Variants in HEBP1 observed in about 807,000 individuals in gnomAD.
HEBP1 encodes heme-binding protein 1.
A neutral mutation model predicts 20.4 loss-of-function variants in HEBP1; 13 were observed. That is an observed-to-expected ratio of 0.64 (90% CI 0.42 to 1.01). The LOEUF is 1.01. HEBP1 is among the 50% of genes least tolerant of loss of function. The pLI is 0.00. For synonymous variants in HEBP1, 92 were observed against 90.7 expected, an observed-to-expected ratio of 1.01 and a Z score of -0.08; for missense variants, 241 against 247.3, an observed-to-expected ratio of 0.97 and a Z score of 0.17.
In HEBP1 at chr12:12,975,021, C is replaced by T. The variant is rs1327495369; in HGVS notation, c.*287G>A. 2.5e-5 allele frequency: 7 copies of T among 274,790 alleles called. No homozygotes were observed. The highest frequency in any genetic ancestry group is 3.4e-5 in the Non-Finnish European group (5 of 146,698). 17.0% of individuals were successfully genotyped at this position (274,790 alleles called of 1,614,324 possible). A position where few individuals can be genotyped will look rare whatever the true frequency, so the allele number is the denominator to read the frequency against. On this transcript the variant is annotated 3_prime_UTR_variant, in exon 4 of 4. Coordinates refer to ENST00000014930, the MANE Select transcript of HEBP1 (RefSeq NM_015987.5). ...ATTTTAGAAAATCAGTTTTTAGTGACCCAGATGCCTGGAGAAAAGCTGCCA... is the reference window on the plus strand; with the variant it reads ...ATTTTAGAAAATCAGTTTTTAGTGATCCAGATGCCTGGAGAAAAGCTGCCA...
intron 1 of HEBP1, among the ~76,000 whole-genome samples, chr12:12,999,533 C>T (rs1002333238): frequency 6.6e-6 from 1 of 152,138 alleles, no homozygotes; most frequent in African/African-American, 2.4e-5. Context: ...GCAGAATGGC[C>T]GGAAACTTAA....
intron 3 of HEBP1, among the ~76,000 whole-genome samples, chr12:12,978,783 A>G (rs1864034794): frequency 6.6e-6 from 1 of 152,160 alleles, no homozygotes; most frequent in South Asian, 2.1e-4. Context: ...CAGAATAGGG[A>G]TTAAAGGCTG....
chr12:12,989,494 T>G, intron 1 of HEBP1, 79 bp from the exon 2 acceptor site: 2 of 1,461,104 alleles, frequency 1.4e-6, no homozygotes, highest in Middle Eastern at 3.5e-4. Context: ...AACAGAGGGC[T>G]AAAAAACTTT....
At chr12:12,979,222 G>A (rs1301829964) in intron 3 of HEBP1, among the ~76,000 whole-genome samples, 1 of 152,176 alleles carries the variant, frequency 6.6e-6, no homozygotes, top group Non-Finnish European at 1.5e-5. Flanking sequence ...ATCACTCAGG[G>A]AGTCCTAAAA....
intron 3 of HEBP1, among the ~76,000 whole-genome samples, chr12:12,984,901 C>A: frequency 6.6e-6 from 1 of 152,152 alleles, no homozygotes; most frequent in Admixed American, 6.5e-5. Context: ...CCTGTAATCC[C>A]AGCACTTTGG....
At chr12:12,988,269 T>G (rs1864177203) in intron 2 of HEBP1, among the ~76,000 whole-genome samples, 1 of 152,248 alleles carries the variant, frequency 6.6e-6, no homozygotes, top group Non-Finnish European at 1.5e-5. Context: ...TTTTGTTATT[T>G]TAAAGGTTTT....
At chr12:12,985,076 C>T (rs1487162239) in intron 3 of HEBP1, among the ~76,000 whole-genome samples, 1 of 147,564 alleles carries the variant, frequency 6.8e-6, no homozygotes, top group Non-Finnish European at 1.5e-5. Context: ...TGAACCCAGG[C>T]AGCAGAGGTT....
chr12:12,983,594 AC>A, intron 3 of HEBP1: 1 of 429,478 alleles, frequency 2.3e-6, no homozygotes, highest in Non-Finnish European at 4.7e-6. Context: ...AATAACACAA[AC>A]CACTGCAGGG....
At chr12:12,975,797 A>C (rs1863973403) in intron 3 of HEBP1, among the ~76,000 whole-genome samples, 1 of 152,094 alleles carries the variant, frequency 6.6e-6, no homozygotes, top group Non-Finnish European at 1.5e-5. Context: ...TTCCTGAAAT[A>C]CCCAAGGGGA....
At position 12,986,750 on chromosome 12, in the gene HEBP1, C is replaced by T. The variant is rs1164884488; in HGVS notation, c.398+402G>A. On this transcript the variant is annotated intron_variant, in intron 3 of 3. Transcript: ENST00000014930. This position sits in a 1 kb window ranked among gnomAD's most constrained non-coding sequence, Gnocchi z 4.3. ...CCAGCTCTAGCAAATGCTCCCTGCT[C>T]TCTGGCATTCAAAGGGAGTGTGGGG... 1 of 160,876 alleles carries T rather than the reference C, an allele frequency of 6.2e-6. No individual in the cohort carries two copies. Among genetic ancestry groups the T allele is most frequent in the Non-Finnish European group, 1.4e-5 (1 of 73,758 alleles). The allele number at this position is 160,876 out of a possible 1,614,324, so 10.0% of individuals were successfully genotyped here.
chr12:12,983,390 G>A (rs1392313802), intron 3 of HEBP1: 5 of 246,002 alleles, frequency 2.0e-5, no homozygotes, highest in Non-Finnish European at 2.5e-5. Flanking sequence ...GCTAATAAAT[G>A]TATAATCCCT....
In HEBP1 at chr12:12,996,928, T is replaced by G. The variant is rs1360498899; in HGVS notation, c.78+3109A>C. Among the ~76,000 whole-genome samples, 3 of 152,196 alleles carry G rather than the reference T, an allele frequency of 2.0e-5. No homozygotes were observed. The South Asian group carries it at 6.2e-4, about 32-fold the overall frequency. On this transcript the variant is annotated intron_variant, in intron 1 of 3. Coordinates refer to ENST00000014930, the MANE Select transcript of HEBP1 (RefSeq NM_015987.5). This position sits in a 1 kb window ranked among gnomAD's most constrained non-coding sequence, Gnocchi z 4.1. ...CACAATTAGCTTCAGAGGGGCTAAG[T>G]TGGCCTGTGACCACACAGCTAGAAA...
In HEBP1 at chr12:12,975,253, C is replaced by G; in HGVS notation, c.*55G>C. 6.5e-7 allele frequency: 1 copy of G among 1,548,170 alleles called. No individual in the cohort carries two copies. On this transcript the variant is annotated 3_prime_UTR_variant, in exon 4 of 4. Transcript: ENST00000014930. ...GGAAGCACTGTCCCCTCCTTACCCCCGAGGAAGGAGACACAGAGGCACACT... is the reference window on the plus strand; with the variant it reads ...GGAAGCACTGTCCCCTCCTTACCCCGGAGGAAGGAGACACAGAGGCACACT...
At chr12:12,997,829 A>G (rs1468694586) in intron 1 of HEBP1, among the ~76,000 whole-genome samples, 1 of 152,250 alleles carries the variant, frequency 6.6e-6, no homozygotes, top group Non-Finnish European at 1.5e-5. Flanking sequence ...GAACACATGG[A>G]TTCTTAAAGT....
intron 1 of HEBP1, among the ~76,000 whole-genome samples, chr12:12,990,150 A>AC: frequency 3.5e-5 from 5 of 142,352 alleles, no homozygotes; most frequent in African/African-American, 1.4e-4. Flanking sequence ...ACACACACAC[A>AC]AACACACACA....
Position 13,000,099 on chromosome 12 carries a change from T to C in HEBP1, c.16A>G (p.Lys6Glu), listed in dbSNP as rs1864335983. 6.2e-7 allele frequency: 1 copy of C among 1,612,024 alleles called. No individual in the cohort carries two copies. The highest frequency in any genetic ancestry group is 8.5e-7 in the Non-Finnish European group (1 of 1,179,046). ...TCTACGCTTCCGAACAGCGAGTTCT[T>C]GATCATGCCCAACATGTTGTAGCCG... MLGMI[K>E]NSLFGSVETW... The change falls in exon 1 of 4, where the codon AAG becomes GAG. Residue 6 changes from lysine to glutamate, a missense_variant. Transcript: ENST00000014930.
At chr12:12,987,728 C>G (rs925904868) in intron 2 of HEBP1, among the ~76,000 whole-genome samples, 2 of 151,826 alleles carry the variant, frequency 1.3e-5, no homozygotes, top group African/African-American at 4.8e-5. Flanking sequence ...TCCTGGGTTC[C>G]TGGGTTCAAG....
chr12:13,000,029 G>A lies in HEBP1; in HGVS notation c.78+8C>T. On this transcript the variant is annotated splice_region_variant and intron_variant, in intron 1 of 3. Coordinates refer to ENST00000014930, the MANE Select transcript of HEBP1 (RefSeq NM_015987.5). ...TCCTTCAGGTCCTCGGCAGCCCTGCGGGCCTACCTTGTCCCCTTTGCTTAG... is the reference window on the plus strand; with the variant it reads ...TCCTTCAGGTCCTCGGCAGCCCTGCAGGCCTACCTTGTCCCCTTTGCTTAG... 2 of 1,601,546 alleles carry A rather than the reference G, an allele frequency of 1.2e-6. No individual in the cohort carries two copies. The highest frequency in any genetic ancestry group is 1.1e-5 in the South Asian group (1 of 89,860).
At chr12:12,997,983 C>T (rs1336126379) in intron 1 of HEBP1, among the ~76,000 whole-genome samples, 2 of 152,174 alleles carry the variant, frequency 1.3e-5, no homozygotes, top group African/African-American at 4.8e-5. Context: ...ATAGACAGCT[C>T]TCTGTGTTGG....
Sources: allele counts gnomAD v4.1 joint callset (sites outside exome capture counted in the v4.1 genomes callset), GRCh38; gene constraint gnomAD v4.1.1; non-coding constraint Gnocchi (gnomAD v3.1); transcripts MANE v1.5; gene names NCBI Gene and HGNC (gene_info 2026-07-23, HGNC 2026-07-21).